Variants in VPS13B observed in about 807,000 individuals in gnomAD.
VPS13B encodes intermembrane lipid transfer protein VPS13B.
Under a neutral mutation model 426.4 loss-of-function variants are expected in VPS13B, and 285 were observed. The ratio of observed to expected loss-of-function variants is 0.67; its 90% CI spans 0.61 to 0.74. The LOEUF (loss-of-function observed/expected upper bound fraction) is 0.74, where lower values mean the gene tolerates loss of function less well. Among genes scored for constraint, VPS13B ranks in the 30% least tolerant of loss-of-function variants. The pLI is 0.00. For synonymous variants in VPS13B, 1,676 were observed against 1,676.4 expected (o/e 1.00, Z 0.01); for missense variants, 4,537 against 4,782.6 (o/e 0.95, Z 1.51).
At chr8:99,703,432 A>C (rs1217236506) in intron 36 of VPS13B, among the ~76,000 whole-genome samples, 1 of 152,128 alleles carries the variant, frequency 6.6e-6, no homozygotes, top group African/African-American at 2.4e-5. Flanking sequence ...AATGACCCAA[A>C]ACTTCTGATT....
chr8:99,205,524 T>C (rs1814657172), intron 17 of VPS13B, among the ~76,000 whole-genome samples: 3 of 152,034 alleles, frequency 2.0e-5, no homozygotes, highest in Admixed American at 2.0e-4. Context: ...ACACGAAACT[T>C]ATACTTTCAT....
rs1474650748 is a variant in VPS13B, at chr8:99,431,666, T to C, written c.3210+2T>C. 6.2e-7 allele frequency: 1 copy of C among 1,612,316 alleles called. No homozygotes were observed. The highest frequency in any genetic ancestry group is 8.5e-7 in the Non-Finnish European group (1 of 1,179,308). ...GCAGTGAAGCATCTCACACTACAGG[T>C]AAAATAAAAGTTAGAAATATTATGG... On this transcript the variant is annotated splice_donor_variant, in intron 22 of 61. Transcript: ENST00000357162. LOFTEE classifies it high-confidence loss of function.
intron 30 of VPS13B, among the ~76,000 whole-genome samples, chr8:99,548,976 A>G (rs1280380543): frequency 6.6e-6 from 1 of 152,080 alleles, no homozygotes; most frequent in African/African-American, 2.4e-5. Context: ...CAAACCAATA[A>G]GCTAAATGGT....
intron 28 of VPS13B, among the ~76,000 whole-genome samples, chr8:99,508,877 T>G (rs140429080): frequency 1.4e-4 from 21 of 152,190 alleles, no homozygotes; most frequent in African/African-American, 3.6e-4. Flanking sequence ...ACTTTTTGCC[T>G]TATGTTAAGG....
intron 19 of VPS13B, chr8:99,348,320 A>G (rs576696623): frequency 1.3e-5 from 2 of 152,326 alleles, no homozygotes; most frequent in East Asian, 1.9e-4. Flanking sequence ...AGAGTTCTCT[A>G]TTTCGTACAA....
intron 57 of VPS13B, 139 bp from the exon 58 acceptor site, chr8:99,861,637 C>T (rs1194216370): frequency 1.8e-5 from 20 of 1,133,358 alleles, no homozygotes; most frequent in Admixed American, 2.0e-5. Flanking sequence ...CTTCAAATTG[C>T]CTGAGAGGGA....
chr8:99,280,932 T>C (rs1306924541), intron 19 of VPS13B, among the ~76,000 whole-genome samples: 1 of 152,186 alleles, frequency 6.6e-6, no homozygotes, highest in Non-Finnish European at 1.5e-5. Context: ...GATCATACCC[T>C]TTCTATTCAA....
intron 33 of VPS13B, among the ~76,000 whole-genome samples, chr8:99,608,268 C>T (rs796127613): frequency 6.6e-6 from 1 of 151,438 alleles, no homozygotes; most frequent in Admixed American, 6.6e-5. Flanking sequence ...CCTACCTCAG[C>T]ATCCCTAGTA....
At chr8:99,666,683 T>C (rs916420112) in intron 35 of VPS13B, among the ~76,000 whole-genome samples, 3 of 152,116 alleles carry the variant, frequency 2.0e-5, no homozygotes, top group African/African-American at 7.2e-5. Flanking sequence ...CTATCTATGA[T>C]AAATCCACAG....
intron 25 of VPS13B, among the ~76,000 whole-genome samples, chr8:99,500,057 G>GACTTT (rs1821144840): frequency 6.6e-6 from 1 of 152,060 alleles, no homozygotes; most frequent in Non-Finnish European, 1.5e-5. Flanking sequence ...CCGGGACTTT[G>GACTTT]GTTTGTTTTG....
intron 20 of VPS13B, among the ~76,000 whole-genome samples, chr8:99,389,018 A>T (rs932884930): frequency 6.6e-5 from 10 of 152,118 alleles, no homozygotes; most frequent in Non-Finnish European, 1.5e-4. Flanking sequence ...GCGCAGTGGC[A>T]GGTGCCTGTA....
At chr8:99,509,253 A>G (rs981619128) in intron 28 of VPS13B, among the ~76,000 whole-genome samples, 2 of 152,122 alleles carry the variant, frequency 1.3e-5, no homozygotes, top group East Asian at 1.9e-4. Context: ...TTGCTTTACT[A>G]TACATCTTTT....
intron 23 of VPS13B, among the ~76,000 whole-genome samples, chr8:99,453,228 G>A (rs1174539970): frequency 2.6e-5 from 4 of 152,140 alleles, no homozygotes; most frequent in African/African-American, 9.7e-5. Flanking sequence ...TTAAGTCATA[G>A]TTTTATAATC....
At chr8:99,380,632 C>A (rs546045852) in intron 19 of VPS13B, among the ~76,000 whole-genome samples, 1 of 151,924 alleles carries the variant, frequency 6.6e-6, no homozygotes, top group Non-Finnish European at 1.5e-5. Flanking sequence ...TTTGAAGATT[C>A]TGTGGAAAGC....
chr8:99,654,027 TGA>T (rs1829925281), intron 34 of VPS13B, among the ~76,000 whole-genome samples: 1 of 150,840 alleles, frequency 6.6e-6, no homozygotes, highest in African/African-American at 2.4e-5. Context: ...TGGATGATGA[TGA>T]TGATTATTAT....
chr8:99,716,989 A>G (rs914170394), intron 36 of VPS13B, among the ~76,000 whole-genome samples, 182 bp from the exon 37 acceptor site: 2 of 152,182 alleles, frequency 1.3e-5, no homozygotes, highest in Non-Finnish European at 2.9e-5. Context: ...AATGTGAATG[A>G]GGTATACCTG....
intron 30 of VPS13B, among the ~76,000 whole-genome samples, chr8:99,526,013 G>A (rs1211002823): frequency 6.6e-6 from 1 of 151,834 alleles, no homozygotes; most frequent in Non-Finnish European, 1.5e-5. Context: ...AGTGAGACAT[G>A]GTTGTGGGGG....
At chr8:99,594,605 A>G (rs1012671137) in intron 33 of VPS13B, among the ~76,000 whole-genome samples, 2 of 152,150 alleles carry the variant, frequency 1.3e-5, no homozygotes, top group South Asian at 4.1e-4. Flanking sequence ...GGATAAAAGA[A>G]TGATGTAATA....
chr8:99,691,526 A>G (rs1407430345), intron 35 of VPS13B, among the ~76,000 whole-genome samples: 5 of 152,116 alleles, frequency 3.3e-5, no homozygotes, highest in African/African-American at 1.2e-4. Flanking sequence ...AACTAGCTGT[A>G]AACAAGACTC....
Sources: allele counts gnomAD v4.1 joint callset (sites outside exome capture counted in the v4.1 genomes callset), GRCh38; gene constraint gnomAD v4.1.1; transcripts MANE v1.5; gene names NCBI Gene and HGNC (gene_info 2026-07-23, HGNC 2026-07-21).